The following PRKDC variants were observed in gnomAD, a reference collection of about 807,000 sequenced individuals.
PRKDC encodes protein kinase, DNA-activated, catalytic subunit.
A neutral mutation model predicts 486.9 loss-of-function variants in PRKDC; 82 were observed. That is an observed-to-expected ratio of 0.17 (90% CI 0.14 to 0.20). The LOEUF (loss-of-function observed/expected upper bound fraction) is 0.20, where lower values mean the gene tolerates loss of function less well. Among genes scored for constraint, PRKDC ranks in the 10% least tolerant of loss-of-function variants. PRKDC has a pLI of 1.00. For synonymous variants in PRKDC, 1,895 were observed against 1,837.0 expected, an observed-to-expected ratio of 1.03 and a Z score of -0.81; for missense variants, 4,504 against 5,038.2, an observed-to-expected ratio of 0.89 and a Z score of 3.21.
At chr8:47,787,749 G>C (rs1360191816) in intron 76 of PRKDC, among the ~76,000 whole-genome samples, 1 of 152,186 alleles carries the variant, frequency 6.6e-6, no homozygotes, top group East Asian at 1.9e-4. Context: ...GACACAACGT[G>C]CACACTGGCT....
intron 27 of PRKDC, among the ~76,000 whole-genome samples, chr8:47,901,800 G>C (rs1367585459): frequency 6.6e-6 from 1 of 152,076 alleles, no homozygotes; most frequent in Non-Finnish European, 1.5e-5. Flanking sequence ...CAGGATGTGA[G>C]GTTACACAGG....
At chr8:47,858,657 T>C in intron 47 of PRKDC, 22 bp from the exon 48 acceptor site, 1 of 1,482,022 alleles carries the variant, frequency 6.7e-7, no homozygotes, top group Non-Finnish European at 9.0e-7. Context: ...CATTCAAAAT[T>C]ACCTTAAAAC....
intron 63 of PRKDC, among the ~76,000 whole-genome samples, chr8:47,824,847 T>A (rs1281031870): frequency 6.6e-6 from 1 of 152,194 alleles, no homozygotes; most frequent in Admixed American, 6.5e-5. Context: ...AACCCAAATG[T>A]TATTTCTTCC....
intron 38 of PRKDC, among the ~76,000 whole-genome samples, chr8:47,881,079 A>C (rs576137407): frequency 6.6e-4 from 99 of 151,006 alleles, no homozygotes; most frequent in Admixed American, 1.4e-3. Flanking sequence ...AGAAAGCAAG[A>C]AAGCAAGAAA....
At chr8:47,835,514 G>A (rs577714549) in intron 58 of PRKDC, among the ~76,000 whole-genome samples, 3 of 150,694 alleles carry the variant, frequency 2.0e-5, no homozygotes, top group South Asian at 4.2e-4. Flanking sequence ...CTACTCAGGA[G>A]GCTGAGGCAG....
rs547575822 is a variant in PRKDC at position 47,824,177 on chromosome 8, A to G, written c.8784-181T>C. Among the ~76,000 whole-genome samples the G allele has an allele frequency of 8.5e-5, 13 of 152,358 alleles. No homozygotes were observed. In the East Asian group the frequency reaches 2.5e-3, roughly 29 times the overall value. ...AACTATGAAGTTGCCCTTAGGTTTTATAACTTTAATCATACATAAGCCAGA... is the reference window on the plus strand; with the variant it reads ...AACTATGAAGTTGCCCTTAGGTTTTGTAACTTTAATCATACATAAGCCAGA... On this transcript the variant is annotated intron_variant, in intron 63 of 85. Transcript: ENST00000314191.
At chr8:47,887,851 G>A in intron 34 of PRKDC, 146 bp from the exon 35 acceptor site, 1 of 933,140 alleles carries the variant, frequency 1.1e-6, no homozygotes, top group Non-Finnish European at 1.6e-6. Flanking sequence ...ATTCAACTTT[G>A]CTTTTGTTGT....
chr8:47,948,362 C>A (rs1481569908), intron 7 of PRKDC, among the ~76,000 whole-genome samples: 6 of 151,810 alleles, frequency 4.0e-5, no homozygotes, highest in Non-Finnish European at 7.4e-5. Flanking sequence ...CCCACCTCAG[C>A]CTCCCAAAGT....
chr8:47,916,269 GA>G (rs1452695446), intron 22 of PRKDC, among the ~76,000 whole-genome samples: 5 of 151,966 alleles, frequency 3.3e-5, no homozygotes, highest in Non-Finnish European at 5.9e-5. Flanking sequence ...CCAACATGGT[GA>G]AAGCCCGTCT....
At position 47,840,192 on chromosome 8, in the gene PRKDC, A is replaced by G. The variant is rs1225183614; in HGVS notation, c.7281-3T>C. ...ATACTTTTTGTCTTTCATCATCTCTATGGGAGAGATTTTAAAAACACACAA... is the reference window on the plus strand; with the variant it reads ...ATACTTTTTGTCTTTCATCATCTCTGTGGGAGAGATTTTAAAAACACACAA... On this transcript the variant is annotated splice_polypyrimidine_tract_variant and splice_region_variant and intron_variant, in intron 54 of 85. Coordinates refer to ENST00000314191, the MANE Select transcript of PRKDC (RefSeq NM_006904.7). The G allele has an allele frequency of 1.9e-6, 3 of 1,568,990 alleles. 1 individual carries two copies. The South Asian group carries it at 3.5e-5, about 19-fold the overall frequency.
At position 47,927,305 on chromosome 8, in the gene PRKDC, G is replaced by C; in HGVS notation, c.2308C>G (p.Leu770Val). 6.2e-7 allele frequency: 1 copy of C among 1,613,688 alleles called. No individual in the cohort carries two copies. Among genetic ancestry groups the C allele is most frequent in the Non-Finnish European group, 8.5e-7 (1 of 1,179,742 alleles). The change falls in exon 21 of 86, where the codon CTG becomes GTG. Residue 770 changes from leucine to valine, a missense_variant. Physicochemically the swap from Leu to Val is conservative, Grantham distance 32. Around this residue, in one of 6 missense-constraint regions of PRKDC, gnomAD observed 1,969 missense variants for 2,068.9 expected, o/e 0.95. Coordinates refer to ENST00000314191, the MANE Select transcript of PRKDC (RefSeq NM_006904.7). ...LSYTPLAEVG[L>V]NALEEWSIYI... is the part of the protein sequence containing the mutation. ...ATTGACCATTCTTCTAGAGCATTCA[G>C]GCCTACTTCTGCCAAGGGGGTATAG...
rs376213093 is a variant in PRKDC, at chr8:47,820,112, A to G, written c.9337-602T>C. On this transcript the variant is annotated intron_variant, in intron 66 of 85. Transcript: ENST00000314191. ...ACCAAACTTCCATTCCGCTACCCCAAATAGAAAAGTCTACTCTTGGTCAGG... is the reference window on the plus strand; with the variant it reads ...ACCAAACTTCCATTCCGCTACCCCAGATAGAAAAGTCTACTCTTGGTCAGG... Among the ~76,000 whole-genome samples the G allele has an allele frequency of 2.2e-4, 34 of 152,250 alleles. 1 individual carries two copies. The highest frequency in any genetic ancestry group is 7.2e-4 in the African/African-American group (30 of 41,552).
At position 47,855,288 on chromosome 8, in the gene PRKDC, C is replaced by G. The variant is rs1490728575; in HGVS notation, c.6695G>C (p.Arg2232Thr). The change falls in exon 50 of 86, where the codon AGA (arginine) becomes ACA (threonine). Residue 2232 changes from arginine (R) to threonine (T), a missense_variant. By Grantham distance (71) the Arg-to-Thr change is moderately conservative. Around this residue, in one of 6 missense-constraint regions of PRKDC, gnomAD observed 1,592 missense variants for 1,724.6 expected, o/e 0.92. Transcript: ENST00000314191. Reference sequence around the variant, plus strand: ...GGTCTTTATAATTTCAAGGTTGTGTCTAAACACAGCTCTTTTTGGATGAAA... The same window carrying G: ...GGTCTTTATAATTTCAAGGTTGTGTGTAAACACAGCTCTTTTTGGATGAAA... Reference protein sequence around the residue: ...HVFHPKRAVFRHNLEIIKTLV... With the variant: ...HVFHPKRAVFTHNLEIIKTLV... 2.5e-6 allele frequency: 4 copies of G among 1,602,646 alleles called. No homozygotes were observed. Among genetic ancestry groups the G allele is most frequent in the Middle Eastern group, 1.7e-4 (1 of 6,038 alleles).
intron 7 of PRKDC, among the ~76,000 whole-genome samples, chr8:47,948,608 C>T (rs535316998): frequency 2.0e-5 from 3 of 151,044 alleles, no homozygotes; most frequent in South Asian, 2.1e-4. Context: ...TACAGGCATG[C>T]GCCACCACGC....
At chr8:47,883,791 C>G (rs2089272986) in intron 36 of PRKDC, among the ~76,000 whole-genome samples, 1 of 152,218 alleles carries the variant, frequency 6.6e-6, no homozygotes, top group South Asian at 2.1e-4. Flanking sequence ...ACATTTCCAT[C>G]TCACTGAACA....
chr8:47,804,287 G>A (rs751226356), intron 69 of PRKDC, among the ~76,000 whole-genome samples: 89 of 150,776 alleles, frequency 5.9e-4, no homozygotes, highest in Non-Finnish European at 1.1e-3. Context: ...CCATTGCACG[G>A]ACATGCCACT....
At chr8:47,803,062 C>T (rs572089345) in intron 70 of PRKDC, among the ~76,000 whole-genome samples, 1 of 152,356 alleles carries the variant, frequency 6.6e-6, no homozygotes, top group South Asian at 2.1e-4. Flanking sequence ...GCTCGGATTA[C>T]AGGCGTGAGC....
intron 23 of PRKDC, among the ~76,000 whole-genome samples, chr8:47,914,936 T>C (rs1325755693): frequency 6.6e-6 from 1 of 152,184 alleles, no homozygotes; most frequent in African/African-American, 2.4e-5. Context: ...ATTACAGGCG[T>C]GAGCCACCAC....
chr8:47,777,515 C>CAG (rs1259261059), intron 84 of PRKDC, among the ~76,000 whole-genome samples, 171 bp downstream of exon 84: 1 of 152,138 alleles, frequency 6.6e-6, no homozygotes, highest in Non-Finnish European at 1.5e-5. Context: ...AGCCTCTTAA[C>CAG]TGGTTTTCAA....
Sources: gnomAD v4.1 joint callset for allele counts (sites outside exome capture counted in the v4.1 genomes callset) on GRCh38, gnomAD v4.1.1 for gene constraint, gnomAD v4.1.1 regional missense constraint, MANE v1.5 for transcripts, NCBI Gene and HGNC (gene_info 2026-07-23, HGNC 2026-07-21) for gene names.